The following GALNT9 variants were observed in gnomAD, a reference collection of about 807,000 sequenced individuals.
The protein encoded by GALNT9 is GalNAc transferase 9.
GALNT9 carries 47 observed loss-of-function variants against 63.1 expected under a neutral mutation model. That is an observed-to-expected ratio of 0.75 (90% CI 0.59 to 0.95). The LOEUF (loss-of-function observed/expected upper bound fraction) is 0.95, where lower values mean the gene tolerates loss of function less well. Ranked by LOEUF, GALNT9 falls within the 40% of genes least tolerant of loss-of-function variation. GALNT9 has a pLI of 0.00. For missense variants in GALNT9, 829 were observed against 874.8 expected (o/e 0.95, Z 0.66); for synonymous variants, 396 against 365.7 (o/e 1.08, Z -0.94).
intron 6 of GALNT9, among the ~76,000 whole-genome samples, chr12:132,223,224 G>C (rs1484462128): frequency 7.2e-4 from 15 of 20,708 alleles, no homozygotes; most frequent in African/African-American, 1.5e-3. Flanking sequence ...CCGCACCCCA[G>C]ACACCCCACA....
chr12:132,304,537 GCACAGAATCGCCCAGA>G (rs1555244338), intron 1 of GALNT9, among the ~76,000 whole-genome samples: 5 of 45,336 alleles, frequency 1.1e-4, no homozygotes, highest in Non-Finnish European at 1.5e-4. Flanking sequence ...CCTCACCCGG[GCACAGAATCGCCCAGA>G]CACACCCTCA....
At chr12:132,281,899 A>G (rs1473788355) in intron 2 of GALNT9, among the ~76,000 whole-genome samples, 1 of 147,966 alleles carries the variant, frequency 6.8e-6, no homozygotes, top group Non-Finnish European at 1.5e-5. Context: ...CAGCAAGGCC[A>G]GGCCTGGGGG....
chr12:132,318,425 T>A (rs1275530159), intron 1 of GALNT9, among the ~76,000 whole-genome samples: 1 of 152,058 alleles, frequency 6.6e-6, no homozygotes, highest in Non-Finnish European at 1.5e-5. Context: ...GCACCTGCCC[T>A]TCGTGACCCA....
At position 132,259,028 on chromosome 12, in the gene GALNT9, C is replaced by G. The variant is rs193133520; in HGVS notation, c.762-1142G>C. On this transcript the variant is annotated intron_variant, in intron 4 of 10. Transcript: ENST00000328957. Reference sequence around the variant, plus strand: ...GACCACACGGCTGTCTTCACCCCTTCTTCCCGTCCTTCTGAGCATGAGGCC... The same window carrying G: ...GACCACACGGCTGTCTTCACCCCTTGTTCCCGTCCTTCTGAGCATGAGGCC... 4.6e-3 allele frequency among the ~76,000 whole-genome samples: 703 copies of G among 152,364 alleles called. 4 individuals carry two copies. Among genetic ancestry groups the G allele is most frequent in the African/African-American group, 0.015 (640 of 41,590 alleles).
intron 7 of GALNT9, among the ~76,000 whole-genome samples, chr12:132,202,310 A>C (rs1286760905): frequency 6.6e-6 from 1 of 152,184 alleles, no homozygotes; most frequent in Non-Finnish European, 1.5e-5. Context: ...CACTTCATGG[A>C]AAACAAGGCT....
Position 132,282,414 on chromosome 12 carries a change from T to C in GALNT9, c.419+3836A>G, listed in dbSNP as rs1043408998. 1.2e-4 allele frequency among the ~76,000 whole-genome samples: 18 copies of C among 147,394 alleles called. No individual in the cohort carries two copies. Among genetic ancestry groups the C allele is most frequent in the South Asian group, 7.8e-4 (3 of 3,822 alleles). The stretch of plus-strand genomic sequence containing the variant: ...AAATACGTGTGTGCGCGTGTGTGCG[T>C]GTGTGTGCGTGTGTGCGTGCATGCG... On this transcript the variant is annotated intron_variant, in intron 2 of 10. Coordinates refer to ENST00000328957, the MANE Select transcript of GALNT9 (RefSeq NM_001122636.2). This position sits in a 1 kb window ranked among gnomAD's most constrained non-coding sequence, Gnocchi z 4.5.
chr12:132,213,018 C>G (rs1409679881), intron 6 of GALNT9, among the ~76,000 whole-genome samples: 3 of 147,040 alleles, frequency 2.0e-5, no homozygotes, highest in African/African-American at 7.6e-5. Flanking sequence ...AAACCCCACC[C>G]GAGTCTACAG....
At chr12:132,240,187 T>A (rs1447443962) in intron 6 of GALNT9, among the ~76,000 whole-genome samples, 3 of 152,056 alleles carry the variant, frequency 2.0e-5, no homozygotes, top group African/African-American at 7.2e-5. Context: ...TTGAGAGGAA[T>A]CTCCTCTCTA....
chr12:132,289,789 C>G lies in GALNT9; in HGVS notation c.239-3359G>C, dbSNP rs146362436. The stretch of plus-strand genomic sequence containing the variant: ...TCTGTGCTTAAGAGAACCAAGCAGC[C>G]CCTGGTCCAGACGCTGCTGCCCACT... On this transcript the variant is annotated intron_variant, in intron 1 of 10. Transcript: ENST00000328957. Among the ~76,000 whole-genome samples, 202 of 152,322 alleles carry G rather than the reference C, an allele frequency of 1.3e-3. 1 individual carries two copies. The highest frequency in any genetic ancestry group is 0.01 in the Admixed American group (155 of 15,310).
At chr12:132,304,393 G>T (rs1444060756) in intron 1 of GALNT9, among the ~76,000 whole-genome samples, 1 of 102,516 alleles carries the variant, frequency 9.8e-6, no homozygotes, top group Non-Finnish European at 1.9e-5. Context: ...CCTCACCGGG[G>T]CACACCCTCA....
At chr12:132,292,759 A>C (rs1880909304) in intron 1 of GALNT9, among the ~76,000 whole-genome samples, 1 of 152,206 alleles carries the variant, frequency 6.6e-6, no homozygotes, top group Admixed American at 6.5e-5. Flanking sequence ...GTGTGAGTCC[A>C]GAGAAAAGGG....
chr12:132,303,271 C>T (rs1881378857), intron 1 of GALNT9, among the ~76,000 whole-genome samples: 1 of 151,622 alleles, frequency 6.6e-6, no homozygotes, highest in Non-Finnish European at 1.5e-5. Context: ...CCCCGGGCAC[C>T]TTGAGCAGCA....
intron 1 of GALNT9, among the ~76,000 whole-genome samples, chr12:132,304,436 C>T (rs1881476028): frequency 1.9e-5 from 1 of 52,822 alleles, no homozygotes; most frequent in Non-Finnish European, 3.8e-5. Context: ...CACAGCCTCG[C>T]CCGGGCACAC....
At chr12:132,318,569 C>T (rs978261515) in intron 1 of GALNT9, among the ~76,000 whole-genome samples, 1 of 152,250 alleles carries the variant, frequency 6.6e-6, no homozygotes, top group Non-Finnish European at 1.5e-5. Flanking sequence ...GCAGCTGCAG[C>T]CGTAGGATCA....
chr12:132,279,032 C>G lies in GALNT9; in HGVS notation c.419+7218G>C, dbSNP rs1158916622. 6.6e-6 allele frequency: 1 copy of G among 152,298 alleles called. No individual in the cohort carries two copies. Among genetic ancestry groups the G allele is most frequent in the Non-Finnish European group, 1.5e-5 (1 of 68,118 alleles). 9.4% of individuals were successfully genotyped at this position (152,298 alleles called of 1,614,324 possible). ...CAGCCTCCAGTGGCTACCATCAGAC[C>G]CCACGGCATGGTGACTGTCACTGCA... is the stretch of plus-strand genomic sequence containing the variant. On this transcript the variant is annotated intron_variant, in intron 2 of 10. Transcript: ENST00000328957. This position sits in a 1 kb window ranked among gnomAD's most constrained non-coding sequence, Gnocchi z 4.1.
chr12:132,241,582 C>CA (rs782619151), intron 6 of GALNT9, among the ~76,000 whole-genome samples: 1 of 13,990 alleles, frequency 7.1e-5, no homozygotes. Flanking sequence ...ACCCCCTTCC[C>CA]GGGGCCCTCC....
At position 132,203,648 on chromosome 12, in the gene GALNT9, G is replaced by A. The variant is rs1352925080; in HGVS notation, c.1120C>T (p.Arg374Cys). The change falls in exon 7 of 11, where the codon CGC becomes TGC. Residue 374 changes from arginine (R) to cysteine (C), a missense_variant. Arg to Cys is a radical substitution (Grantham distance 180). Transcript: ENST00000328957. ...CTGGTGCGCTCGATGTGGGCCACGC[G>A]GGAGCAGGGCAGCACCTCCATGCTG... is the stretch of plus-strand genomic sequence containing the variant. ...GGSMEVLPCS[R>C]VAHIERTRKP... 32 of 1,613,588 alleles carry A rather than the reference G, an allele frequency of 2.0e-5. No individual in the cohort carries two copies. The highest frequency in any genetic ancestry group is 6.7e-5 in the African/African-American group (5 of 74,926).
chr12:132,240,486 C>G (rs782168982), intron 6 of GALNT9: 1 of 396,390 alleles, frequency 2.5e-6, no homozygotes. Context: ...GTGCCCAGCT[C>G]GGACCCCGGG....
intron 1 of GALNT9, among the ~76,000 whole-genome samples, chr12:132,325,385 C>T (rs1006657487): frequency 5.3e-5 from 8 of 152,214 alleles, no homozygotes; most frequent in Non-Finnish European, 8.8e-5. Context: ...GCCTCGCCCT[C>T]AGTGGACACG....
Sources: gnomAD v4.1 joint callset for allele counts (sites outside exome capture counted in the v4.1 genomes callset) on GRCh38, gnomAD v4.1.1 for gene constraint, Gnocchi (gnomAD v3.1) non-coding constraint, MANE v1.5 for transcripts, NCBI Gene and HGNC (gene_info 2026-07-23, HGNC 2026-07-21) for gene names.